The following SUPT3H variants were observed in gnomAD, a reference collection of about 807,000 sequenced individuals.
SUPT3H encodes SPT3 homolog, SAGA and STAGA complex component, also known as transcription initiation protein SPT3 homolog.
SUPT3H carries 44 observed loss-of-function variants against 44.3 expected under a neutral mutation model. The ratio of observed to expected loss-of-function variants is 0.99; its 90% CI spans 0.78 to 1.28. The LOEUF is 1.28. Among genes scored for constraint, SUPT3H ranks in the 50% most tolerant of loss-of-function variants. The pLI, the probability that SUPT3H is intolerant of heterozygous loss-of-function variation, is 0.00. For missense variants in SUPT3H, 380 were observed against 387.1 expected (o/e 0.98, Z 0.15); for synonymous variants, 124 against 125.6 (o/e 0.99, Z 0.09).
At chr6:45,138,629 G>A (rs975162621) in intron 2 of SUPT3H, among the ~76,000 whole-genome samples, 1 of 152,186 alleles carries the variant, frequency 6.6e-6, no homozygotes, top group Admixed American at 6.5e-5. Context: ...GTCTGTGTGT[G>A]TGTGATTTCA....
chr6:45,224,756 C>T (rs535988972), intron 2 of SUPT3H, among the ~76,000 whole-genome samples: 2 of 144,466 alleles, frequency 1.4e-5, no homozygotes, highest in East Asian at 2.0e-4. Context: ...CTAGCCTGGG[C>T]GAAAGAGTGA....
intron 3 of SUPT3H, among the ~76,000 whole-genome samples, chr6:45,070,709 T>A (rs1794230823): frequency 8.7e-6 from 1 of 114,964 alleles, no homozygotes; most frequent in South Asian, 2.7e-4. Context: ...CACTCCAGCC[T>A]GGGTAATAAG....
At chr6:44,890,807 T>C (rs1029370925) in intron 10 of SUPT3H, among the ~76,000 whole-genome samples, 2 of 151,656 alleles carry the variant, frequency 1.3e-5, no homozygotes, top group African/African-American at 4.8e-5. Context: ...TGGAATACTA[T>C]GCAGCCATAA....
intron 9 of SUPT3H, among the ~76,000 whole-genome samples, chr6:44,942,999 C>A (rs1181741095): frequency 5.3e-5 from 8 of 152,058 alleles, no homozygotes; most frequent in Admixed American, 5.2e-4. Flanking sequence ...CTTTACAATT[C>A]AAAATTACCA....
chr6:44,884,181 C>G (rs1778735948), intron 10 of SUPT3H, among the ~76,000 whole-genome samples: 1 of 152,104 alleles, frequency 6.6e-6, no homozygotes, highest in Non-Finnish European at 1.5e-5. Context: ...GCAACACCAT[C>G]AAAAAGTGGG....
intron 3 of SUPT3H, among the ~76,000 whole-genome samples, chr6:45,099,564 A>T (rs1798264485): frequency 6.6e-6 from 1 of 151,922 alleles, no homozygotes; most frequent in Non-Finnish European, 1.5e-5. Flanking sequence ...TCTTCTTAAA[A>T]CCCTCATCTC....
chr6:45,130,550 C>A (rs923918858), intron 2 of SUPT3H, among the ~76,000 whole-genome samples: 1 of 151,792 alleles, frequency 6.6e-6, no homozygotes, highest in African/African-American at 2.4e-5. Context: ...GATGGTAGGT[C>A]CATGTGTCTG....
chr6:45,295,863 T>C (rs1343395398), intron 2 of SUPT3H, among the ~76,000 whole-genome samples: 1 of 151,986 alleles, frequency 6.6e-6, no homozygotes, highest in Non-Finnish European at 1.5e-5. Flanking sequence ...CAGGCAACAC[T>C]TCTACACTGC....
intron 2 of SUPT3H, among the ~76,000 whole-genome samples, chr6:45,232,520 GCCA>G (rs1768250839): frequency 6.6e-6 from 1 of 152,170 alleles, no homozygotes; most frequent in Non-Finnish European, 1.5e-5. Context: ...GACCAGGCAG[GCCA>G]ATTCGTGGGC....
chr6:45,191,093 A>G (rs1281714568), intron 2 of SUPT3H, among the ~76,000 whole-genome samples: 1 of 152,130 alleles, frequency 6.6e-6, no homozygotes, highest in Non-Finnish European at 1.5e-5. Flanking sequence ...TAAAAAACTT[A>G]TGTCCACATA....
intron 2 of SUPT3H, among the ~76,000 whole-genome samples, chr6:45,344,178 A>T (rs950970353): frequency 6.6e-6 from 1 of 152,206 alleles, no homozygotes; most frequent in Non-Finnish European, 1.5e-5. Flanking sequence ...AATACTTAGT[A>T]GTATACAAAG....
At chr6:45,324,602 GGAGA>G (rs1786058611) in intron 2 of SUPT3H, among the ~76,000 whole-genome samples, 1 of 151,110 alleles carries the variant, frequency 6.6e-6, no homozygotes, top group African/African-American at 2.4e-5. Flanking sequence ...ACAGGTAGAG[GGAGA>G]GAGATTGGTA....
chr6:44,855,461 T>A lies in SUPT3H; in HGVS notation c.913-25604A>T, dbSNP rs192919972. On this transcript the variant is annotated intron_variant, in intron 10 of 10. Coordinates refer to ENST00000371459, the MANE Select transcript of SUPT3H (RefSeq NM_003599.4). ...ATTTGCTCTCCTAATGAAACTGTCATCTTTATTCATAGAATGGTTTCTTCA... is the reference window on the plus strand; with the variant it reads ...ATTTGCTCTCCTAATGAAACTGTCAACTTTATTCATAGAATGGTTTCTTCA... 4.6e-3 allele frequency among the ~76,000 whole-genome samples: 694 copies of A among 152,250 alleles called. 2 individuals carry two copies. The highest frequency in any genetic ancestry group is 7.4e-3 in the Non-Finnish European group (503 of 68,018).
At chr6:45,022,003 T>G (rs555380603) in intron 3 of SUPT3H, among the ~76,000 whole-genome samples, 6 of 152,150 alleles carry the variant, frequency 3.9e-5, no homozygotes, top group African/African-American at 1.4e-4. Flanking sequence ...ATGAACATAT[T>G]TTTTCTAAAA....
At chr6:45,195,983 A>G (rs1427320943) in intron 2 of SUPT3H, among the ~76,000 whole-genome samples, 1 of 152,154 alleles carries the variant, frequency 6.6e-6, no homozygotes, top group Non-Finnish European at 1.5e-5. Context: ...TATGAAGTGT[A>G]TATGCCAGTA....
At chr6:45,132,068 A>G (rs532858553) in intron 2 of SUPT3H, among the ~76,000 whole-genome samples, 1 of 152,316 alleles carries the variant, frequency 6.6e-6, no homozygotes, top group African/African-American at 2.4e-5. Flanking sequence ...ACAGTACATT[A>G]TTTAAGAATT....
At chr6:45,339,997 G>C (rs1052809610) in intron 2 of SUPT3H, among the ~76,000 whole-genome samples, 6 of 152,078 alleles carry the variant, frequency 3.9e-5, no homozygotes, top group Non-Finnish European at 7.4e-5. Flanking sequence ...CTGAGAATGA[G>C]GTAAAGGAAC....
chr6:45,069,472 T>A (rs1056762388), intron 3 of SUPT3H, among the ~76,000 whole-genome samples: 99 of 152,152 alleles, frequency 6.5e-4, no homozygotes, highest in African/African-American at 2.2e-3. Flanking sequence ...TTACTTAGAT[T>A]TATAGGCCCC....
chr6:45,366,046 A>G (rs1289167414), intron 1 of SUPT3H, among the ~76,000 whole-genome samples: 1 of 152,188 alleles, frequency 6.6e-6, no homozygotes, highest in East Asian at 1.9e-4. Flanking sequence ...TCAAAGTAAC[A>G]TTAAAATAAT....
Sources: allele counts gnomAD v4.1 joint callset (sites outside exome capture counted in the v4.1 genomes callset), GRCh38; gene constraint gnomAD v4.1.1; transcripts MANE v1.5; gene names NCBI Gene and HGNC (gene_info 2026-07-23, HGNC 2026-07-21).